The following RRAGD variants were observed in gnomAD, a reference collection of about 807,000 sequenced individuals.
RRAGD encodes ras-related GTP-binding protein D.
Under a neutral mutation model 35.5 loss-of-function variants are expected in RRAGD, and 12 were observed. The observed-to-expected ratio is 0.34, with a 90% CI of 0.22 to 0.55. RRAGD has a LOEUF of 0.55. Ranked by LOEUF, RRAGD falls within the 20% of genes least tolerant of loss-of-function variation. The pLI is 0.91. For missense variants in RRAGD, 324 were observed against 490.1 expected (o/e 0.66, Z 3.20); for synonymous variants, 155 against 178.9 (o/e 0.87, Z 1.07).
intron 1 of RRAGD, among the ~76,000 whole-genome samples, chr6:89,401,262 A>T (rs59422893): frequency 0.026 from 3,573 of 139,492 alleles, 139 homozygotes; most frequent in African/African-American, 0.089. Flanking sequence ...CCCACAATAT[A>T]TTTTTTTTTT....
chr6:89,374,652 C>T (rs567860262), intron 5 of RRAGD, among the ~76,000 whole-genome samples: 3 of 152,036 alleles, frequency 2.0e-5, no homozygotes, highest in Non-Finnish European at 4.4e-5. Context: ...ATCACTTGAA[C>T]CCGGGAGGCG....
chr6:89,387,170 C>T, intron 2 of RRAGD, 125 bp downstream of exon 2: 3 of 966,882 alleles, frequency 3.1e-6, no homozygotes, highest in Non-Finnish European at 4.6e-6. Context: ...AGTCTGAGAG[C>T]CCTGACCAAG....
chr6:89,404,592 A>G (rs556824866), intron 1 of RRAGD, among the ~76,000 whole-genome samples: 1 of 152,300 alleles, frequency 6.6e-6, no homozygotes, highest in South Asian at 2.1e-4. Context: ...CACCCAAGGA[A>G]CAGCACTATG....
Position 89,365,506 on chromosome 6 carries a change from A to G in RRAGD, c.*2550T>C, listed in dbSNP as rs1275415914. On this transcript the variant is annotated 3_prime_UTR_variant, in exon 7 of 7. Coordinates refer to ENST00000369415, the MANE Select transcript of RRAGD (RefSeq NM_021244.5). ...ATACAATGCAAAATGACTTGAAGAC[A>G]TTTCCAATAACACAGATTTGAAAAA... is the stretch of plus-strand genomic sequence containing the variant. The G allele has an allele frequency of 1.3e-5, 2 of 152,254 alleles. No individual in the cohort carries two copies. Among genetic ancestry groups the G allele is most frequent in the Admixed American group, 6.5e-5 (1 of 15,286 alleles). The allele number at this position is 152,254 out of a possible 1,614,324, so 9.4% of individuals were successfully genotyped here. A position where few individuals can be genotyped will look rare whatever the true frequency, so the allele number is the denominator to read the frequency against.
intron 1 of RRAGD, among the ~76,000 whole-genome samples, chr6:89,407,499 A>G (rs7759863): frequency 0.68 from 103,478 of 151,818 alleles, 36,506 homozygotes; most frequent in African/African-American, 0.88. Context: ...TTAGCTGGGC[A>G]TTGTGGTGGG....
In RRAGD at chr6:89,411,529, G is replaced by C; in HGVS notation, c.148+317C>G. 3.0e-6 allele frequency: 1 copy of C among 332,334 alleles called. No individual in the cohort carries two copies. The allele number at this position is 332,334 out of a possible 1,614,324, so 20.6% of individuals were successfully genotyped here. A position where few individuals can be genotyped will look rare whatever the true frequency, so the allele number is the denominator to read the frequency against. ...CCCTCCCCAACCGCCAGACGCTGCGGAGAGCTTGGGGTGAGGGGCGCGGGA... is the reference window on the plus strand; with the variant it reads ...CCCTCCCCAACCGCCAGACGCTGCGCAGAGCTTGGGGTGAGGGGCGCGGGA... On this transcript the variant is annotated intron_variant, in intron 1 of 6. Coordinates refer to ENST00000369415, the MANE Select transcript of RRAGD (RefSeq NM_021244.5). This position sits in a 1 kb window ranked among gnomAD's most constrained non-coding sequence, Gnocchi z 5.6.
At chr6:89,404,595 G>T (rs1769541938) in intron 1 of RRAGD, among the ~76,000 whole-genome samples, 1 of 152,152 alleles carries the variant, frequency 6.6e-6, no homozygotes, top group African/African-American at 2.4e-5. Flanking sequence ...CCAAGGAACA[G>T]CACTATGGGG....
chr6:89,401,402 C>T lies in RRAGD; in HGVS notation c.148+10444G>A, dbSNP rs146764457. Among the ~76,000 whole-genome samples the T allele has an allele frequency of 1.4e-3, 216 of 152,100 alleles. 1 individual carries two copies. Among genetic ancestry groups the T allele is most frequent in the African/African-American group, 4.6e-3 (190 of 41,480 alleles). On this transcript the variant is annotated intron_variant, in intron 1 of 6. Transcript: ENST00000369415. ...TCTCCTGAGTAGCTAGGATTACGGG[C>T]GCCTGACACCACACTCAGCTAATTT...
At chr6:89,387,242 T>A in intron 2 of RRAGD, 53 bp downstream of exon 2, 1 of 1,541,030 alleles carries the variant, frequency 6.5e-7, no homozygotes, top group Non-Finnish European at 8.8e-7. Flanking sequence ...AAACATGGGG[T>A]GGGGTGGAGG....
At chr6:89,405,863 T>C (rs945245650) in intron 1 of RRAGD, among the ~76,000 whole-genome samples, 3 of 152,176 alleles carry the variant, frequency 2.0e-5, no homozygotes, top group African/African-American at 4.8e-5. Flanking sequence ...GAACTACTTA[T>C]ACATTCAAGA....
chr6:89,391,145 G>C (rs920337874), intron 1 of RRAGD, among the ~76,000 whole-genome samples: 3 of 152,150 alleles, frequency 2.0e-5, no homozygotes, highest in African/African-American at 7.2e-5. Flanking sequence ...AGTACTTTGG[G>C]AGGCTGAGGC....
intron 1 of RRAGD, among the ~76,000 whole-genome samples, chr6:89,407,429 G>T (rs977997301): frequency 6.6e-6 from 1 of 152,212 alleles, no homozygotes; most frequent in Non-Finnish European, 1.5e-5. Flanking sequence ...CTTGAGGTCA[G>T]GAGTTTAAGA....
At chr6:89,378,811 G>A (rs952795292) in intron 4 of RRAGD, among the ~76,000 whole-genome samples, 1 of 152,342 alleles carries the variant, frequency 6.6e-6, no homozygotes, top group Admixed American at 6.5e-5. Flanking sequence ...AGGCTGGAGT[G>A]CAGTGGCACA....
At chr6:89,399,260 A>G (rs984936548) in intron 1 of RRAGD, among the ~76,000 whole-genome samples, 4 of 152,214 alleles carry the variant, frequency 2.6e-5, no homozygotes, top group Non-Finnish European at 5.9e-5. Context: ...GCATGTTTAC[A>G]TACACAGAAA....
intron 1 of RRAGD, among the ~76,000 whole-genome samples, chr6:89,392,302 T>C (rs1360043688): frequency 1.3e-5 from 2 of 151,764 alleles, no homozygotes; most frequent in African/African-American, 4.8e-5. Context: ...AGAGAGACCT[T>C]TGTCTCTACA....
At chr6:89,400,918 G>C (rs985902116) in intron 1 of RRAGD, among the ~76,000 whole-genome samples, 1 of 152,182 alleles carries the variant, frequency 6.6e-6, no homozygotes, top group East Asian at 1.9e-4. Flanking sequence ...AAATGTTCAA[G>C]CAGGCAGTTT....
intron 1 of RRAGD, among the ~76,000 whole-genome samples, chr6:89,397,413 C>A (rs1046057170): frequency 2.0e-5 from 3 of 152,022 alleles, no homozygotes; most frequent in Non-Finnish European, 4.4e-5. Context: ...AAGTTTTTGT[C>A]CATATAATAA....
At chr6:89,391,360 G>T (rs1020813593) in intron 1 of RRAGD, among the ~76,000 whole-genome samples, 1 of 151,424 alleles carries the variant, frequency 6.6e-6, no homozygotes, top group Non-Finnish European at 1.5e-5. Context: ...ACTACAGTTT[G>T]GGTGACAGAG....
chr6:89,380,472 G>A (rs905206459), intron 2 of RRAGD, 105 bp from the exon 3 acceptor site: 21 of 882,840 alleles, frequency 2.4e-5, no homozygotes, highest in Admixed American at 1.7e-4. Flanking sequence ...CCCGAAATAC[G>A]TTGCAAAGGT....
Sources: allele counts gnomAD v4.1 joint callset (sites outside exome capture counted in the v4.1 genomes callset), GRCh38; gene constraint gnomAD v4.1.1; non-coding constraint Gnocchi (gnomAD v3.1); transcripts MANE v1.5; gene names NCBI Gene and HGNC (gene_info 2026-07-23, HGNC 2026-07-21).